SPAG17: variants seen among roughly 807,000 people sequenced by gnomAD.
SPAG17 encodes the protein sperm associated antigen 17.
In SPAG17, 169 loss-of-function variants were observed where a neutral mutation model predicts 273.6. That is an observed-to-expected ratio of 0.62 (90% CI 0.55 to 0.70). The LOEUF (loss-of-function observed/expected upper bound fraction) is 0.70, where lower values mean the gene tolerates loss of function less well. Ranked by LOEUF, SPAG17 falls within the 30% of genes least tolerant of loss-of-function variation. The pLI, the probability that SPAG17 is intolerant of heterozygous loss-of-function variation, is 0.00. For synonymous variants in SPAG17, 825 were observed against 873.2 expected (o/e 0.94, Z 0.97); for missense variants, 2,557 against 2,627.8 (o/e 0.97, Z 0.59).
chr1:118,006,385 A>G (rs557475257), intron 31 of SPAG17, among the ~76,000 whole-genome samples: 8 of 152,362 alleles, frequency 5.3e-5, no homozygotes, highest in African/African-American at 1.7e-4. Context: ...TTCAGTTAGC[A>G]TAATGTTTTC....
chr1:118,153,764 GCA>G (rs1659510590), intron 1 of SPAG17, among the ~76,000 whole-genome samples: 1 of 152,016 alleles, frequency 6.6e-6, no homozygotes, highest in African/African-American at 2.4e-5. Flanking sequence ...CAGGAGAATG[GCA>G]TGAACCCAGG....
At chr1:117,986,912 A>G (rs1656477959) in intron 40 of SPAG17, among the ~76,000 whole-genome samples, 1 of 152,210 alleles carries the variant, frequency 6.6e-6, no homozygotes, top group Admixed American at 6.5e-5. Context: ...GAAGCAGCTC[A>G]TAAGACTCTC....
chr1:118,089,036 A>G (rs1655191840), intron 10 of SPAG17, among the ~76,000 whole-genome samples: 1 of 152,210 alleles, frequency 6.6e-6, no homozygotes, highest in African/African-American at 2.4e-5. Flanking sequence ...CATGGAGTTT[A>G]TATTCTAGTA....
rs768390309 is a variant in SPAG17, at chr1:118,066,939, T to C, written c.2386-40A>G. 8 of 1,568,518 alleles carry C rather than the reference T, an allele frequency of 5.1e-6. No homozygotes were observed. The South Asian group carries it at 8.5e-5, about 17-fold the overall frequency. On this transcript the variant is annotated intron_variant, in intron 17 of 48. Transcript: ENST00000336338. ...AATTGCATTGTAGAATCTTTTTTAT[T>C]TTCCCCAAGAGAAGGGTCTCCTACT...
chr1:118,093,380 G>T, intron 7 of SPAG17, 63 bp from the exon 8 acceptor site: 1 of 1,427,434 alleles, frequency 7.0e-7, no homozygotes, highest in Non-Finnish European at 9.5e-7. Context: ...TCAGATATAT[G>T]GTATATATCT....
At position 118,088,657 on chromosome 1, in the gene SPAG17, C is replaced by A. The variant is rs536583111; in HGVS notation, c.1360-1649G>T. Among the ~76,000 whole-genome samples the A allele has an allele frequency of 4.0e-4, 60 of 151,818 alleles. 1 individual carries two copies. The highest frequency in any genetic ancestry group is 6.6e-4 in the Non-Finnish European group (45 of 67,938). On this transcript the variant is annotated intron_variant, in intron 10 of 48. Transcript: ENST00000336338. ...AGAAAAAATGTGTCACATCCATGCA[C>A]TAAAAACAAGAATAGGCAATTGTAA... is the stretch of plus-strand genomic sequence containing the variant.
intron 13 of SPAG17, among the ~76,000 whole-genome samples, chr1:118,084,388 C>T (rs1486414488): frequency 6.6e-6 from 1 of 152,200 alleles, no homozygotes. Context: ...AGGTCAAATG[C>T]TTCCTTGTCA....
At chr1:118,125,210 G>A (rs1341333258) in intron 3 of SPAG17, among the ~76,000 whole-genome samples, 2 of 149,210 alleles carry the variant, frequency 1.3e-5, no homozygotes, top group Non-Finnish European at 3.0e-5. Context: ...TAAAAAATTT[G>A]TATTATTTTT....
At chr1:118,000,333 A>T (rs535141829) in intron 32 of SPAG17, among the ~76,000 whole-genome samples, 1 of 152,160 alleles carries the variant, frequency 6.6e-6, no homozygotes, top group Admixed American at 6.6e-5. Context: ...TATAAACTTT[A>T]AAGTAGTTTT....
chr1:118,148,371 T>C (rs373005106), intron 3 of SPAG17, among the ~76,000 whole-genome samples: 4 of 152,110 alleles, frequency 2.6e-5, no homozygotes, highest in Admixed American at 6.6e-5. Flanking sequence ...AAACAAATCC[T>C]CCACACTCGG....
chr1:118,086,804 A>G lies in SPAG17; in HGVS notation c.1498-20T>C. On this transcript the variant is annotated intron_variant, in intron 11 of 48. Transcript: ENST00000336338. ...AAGATTCTATGCAAATTGAAACAAT[A>G]TTGATTTAAAGAGAGGATCTATACT... 1 of 1,614,006 alleles carries G rather than the reference A, an allele frequency of 6.2e-7. No homozygotes were observed. The highest frequency in any genetic ancestry group is 1.1e-5 in the South Asian group (1 of 91,086).
At chr1:117,979,782 G>T (rs1266814954) in intron 43 of SPAG17, among the ~76,000 whole-genome samples, 1 of 152,070 alleles carries the variant, frequency 6.6e-6, no homozygotes, top group Non-Finnish European at 1.5e-5. Context: ...CTTCTTACCT[G>T]CTATTCTTAC....
intron 46 of SPAG17, among the ~76,000 whole-genome samples, chr1:117,968,161 G>A (rs1033728): frequency 0.47 from 71,119 of 151,876 alleles, 16,838 homozygotes; most frequent in South Asian, 0.63. Flanking sequence ...CAAGCTGAAC[G>A]GTGGTTAGAT....
intron 47 of SPAG17, chr1:117,966,407 C>T (rs1020460015): frequency 2.0e-5 from 9 of 461,334 alleles, no homozygotes; most frequent in Non-Finnish European, 2.6e-5. Flanking sequence ...AGTTACTGCA[C>T]ATATACTATG....
intron 3 of SPAG17, among the ~76,000 whole-genome samples, chr1:118,131,024 T>C (rs1427205002): frequency 6.6e-6 from 1 of 152,214 alleles, no homozygotes; most frequent in East Asian, 1.9e-4. Flanking sequence ...TTTTCTCTAG[T>C]GGACTCCTAT....
chr1:118,001,188 GA>G (rs1658249339), intron 32 of SPAG17, among the ~76,000 whole-genome samples: 1 of 152,122 alleles, frequency 6.6e-6, no homozygotes. Flanking sequence ...GAACATGGCG[GA>G]TAAGGTTTTG....
chr1:117,991,692 A>G (rs77196388), intron 36 of SPAG17, among the ~76,000 whole-genome samples, 164 bp from the exon 37 acceptor site: 382 of 152,314 alleles, frequency 2.5e-3, no homozygotes, highest in African/African-American at 8.5e-3. Flanking sequence ...CTTTTTCTTA[A>G]TATGTTAATA....
intron 20 of SPAG17, among the ~76,000 whole-genome samples, chr1:118,044,595 G>GTT (rs1650138873): frequency 6.6e-6 from 1 of 152,214 alleles, no homozygotes; most frequent in African/African-American, 2.4e-5. Context: ...TATCTTCAGA[G>GTT]TTGATACGGC....
intron 5 of SPAG17, among the ~76,000 whole-genome samples, chr1:118,100,574 T>A (rs574675386): frequency 2.6e-5 from 4 of 152,314 alleles, no homozygotes; most frequent in African/African-American, 9.6e-5. Flanking sequence ...TTTTCATTTT[T>A]AAGTTATGAC....
Sources: gnomAD v4.1 joint callset for allele counts (sites outside exome capture counted in the v4.1 genomes callset) on GRCh38, gnomAD v4.1.1 for gene constraint, MANE v1.5 for transcripts, NCBI Gene and HGNC (gene_info 2026-07-23, HGNC 2026-07-21) for gene names.